The following CDK19 variants were observed in gnomAD, a reference collection of about 807,000 sequenced individuals.
CDK19 encodes cyclin dependent kinase 19, also known as cyclin-dependent kinase 19.
CDK19 carries 20 observed loss-of-function variants against 68.3 expected under a neutral mutation model. The ratio of observed to expected loss-of-function variants is 0.29; its 90% confidence interval spans 0.21 to 0.43. CDK19 has a LOEUF of 0.43. Ranked by LOEUF, CDK19 falls within the 20% of genes least tolerant of loss-of-function variation. The pLI is 1.00. For missense variants in CDK19, 339 were observed against 623.5 expected, an observed-to-expected ratio of 0.54 and a Z score of 4.86; for synonymous variants, 221 against 222.8, an observed-to-expected ratio of 0.99 and a Z score of 0.07.
intron 1 of CDK19, among the ~76,000 whole-genome samples, chr6:110,755,572 A>G (rs1219475487): frequency 2.6e-5 from 4 of 152,192 alleles, no homozygotes; most frequent in Non-Finnish European, 5.9e-5. Context: ...ACAGGGCCTT[A>G]TAGACACCAG....
chr6:110,693,258 T>C (rs1437589248), intron 2 of CDK19, among the ~76,000 whole-genome samples: 1 of 152,114 alleles, frequency 6.6e-6, no homozygotes, highest in Non-Finnish European at 1.5e-5. Context: ...GCCACTGCAG[T>C]TCCAAAAGTG....
intron 1 of CDK19, among the ~76,000 whole-genome samples, chr6:110,755,984 A>G (rs968677359): frequency 6.6e-6 from 1 of 152,150 alleles, no homozygotes; most frequent in Non-Finnish European, 1.5e-5. Context: ...TTATGGCCAG[A>G]TGCGGTGGCT....
intron 1 of CDK19, chr6:110,773,787 G>A (rs1203550991): frequency 6.6e-6 from 1 of 151,898 alleles, no homozygotes; most frequent in African/African-American, 2.4e-5. Flanking sequence ...AAATTACTTA[G>A]TGATTACACT....
chr6:110,783,408 C>A (rs1780959519), intron 1 of CDK19, among the ~76,000 whole-genome samples: 1 of 152,048 alleles, frequency 6.6e-6, no homozygotes, highest in Non-Finnish European at 1.5e-5. Flanking sequence ...GAAGCCAAGG[C>A]AGGCAGATCA....
intron 4 of CDK19, among the ~76,000 whole-genome samples, chr6:110,641,217 T>C (rs923884389): frequency 1.3e-5 from 2 of 151,978 alleles, no homozygotes; most frequent in African/African-American, 4.8e-5. Flanking sequence ...ACTTCAGGCC[T>C]TTAGGAAACA....
intron 1 of CDK19, among the ~76,000 whole-genome samples, chr6:110,802,168 A>G (rs1782386915): frequency 6.6e-6 from 1 of 152,220 alleles, no homozygotes; most frequent in Admixed American, 6.5e-5. Context: ...TGACCCAGCA[A>G]TCCCATTACT....
intron 1 of CDK19, among the ~76,000 whole-genome samples, chr6:110,793,578 T>C (rs1232308260): frequency 6.6e-6 from 1 of 152,236 alleles, no homozygotes; most frequent in East Asian, 1.9e-4. Context: ...CTGCTTAACA[T>C]TAACTCAAAG....
chr6:110,801,228 A>G (rs1304841993), intron 1 of CDK19, among the ~76,000 whole-genome samples: 2 of 152,134 alleles, frequency 1.3e-5, no homozygotes, highest in East Asian at 1.9e-4. Context: ...TCACACCTGT[A>G]ATCAGCAGCA....
chr6:110,737,447 A>C (rs76166480), intron 2 of CDK19, among the ~76,000 whole-genome samples: 2 of 152,200 alleles, frequency 1.3e-5, no homozygotes, highest in Non-Finnish European at 2.9e-5. Context: ...TAGGAAACAT[A>C]GTAGCTTGAA....
intron 2 of CDK19, among the ~76,000 whole-genome samples, chr6:110,738,668 A>C (rs1777431372): frequency 6.6e-6 from 1 of 152,202 alleles, no homozygotes; most frequent in African/African-American, 2.4e-5. Flanking sequence ...AATTAAAAAG[A>C]ATTAGAGCCT....
intron 12 of CDK19, among the ~76,000 whole-genome samples, chr6:110,619,545 C>A (rs1177162044): frequency 6.6e-6 from 1 of 151,472 alleles, no homozygotes; most frequent in Non-Finnish European, 1.5e-5. Flanking sequence ...CTAGGCCTGA[C>A]CTTGGGCTTT....
rs537777016 is a variant in CDK19, at chr6:110,728,557, C to A, written c.204+17569G>T. Among the ~76,000 whole-genome samples the A allele has an allele frequency of 3.3e-5, 5 of 150,038 alleles. No individual in the cohort carries two copies. In the South Asian group the frequency reaches 1.1e-3, roughly 33 times the overall value. On this transcript the variant is annotated intron_variant, in intron 2 of 12. Transcript: ENST00000368911. Reference sequence around the variant, plus strand: ...CTATCTTTACTCTCATCTATTGATACCATAGTCAGAGTGGTAAAAAAAAAA... The same window carrying A: ...CTATCTTTACTCTCATCTATTGATAACATAGTCAGAGTGGTAAAAAAAAAA...
intron 1 of CDK19, among the ~76,000 whole-genome samples, chr6:110,780,490 T>A (rs1780731125): frequency 6.6e-6 from 1 of 152,080 alleles, no homozygotes; most frequent in Admixed American, 6.6e-5. Flanking sequence ...ATTTATTTTT[T>A]TTTATTTAAA....
chr6:110,618,202 C>T (rs1195010178), intron 12 of CDK19, among the ~76,000 whole-genome samples: 8 of 152,088 alleles, frequency 5.3e-5, no homozygotes, highest in African/African-American at 1.9e-4. Flanking sequence ...GGCGCGATCT[C>T]GGCTCACTGC....
At position 110,638,208 on chromosome 6, in the gene CDK19, A is replaced by ATGTACTTGG. The variant is rs778619501; in HGVS notation, c.514+440_514+441insCCAAGTACA. ...GGTATGTTAGTACTTGGTGCAAGAC[A>ATGTACTTGG]TGCAGGCCAGGTGTGGTGAAGTAGG... On this transcript the variant is annotated intron_variant, in intron 5 of 12. Coordinates refer to ENST00000368911, the MANE Select transcript of CDK19 (RefSeq NM_015076.5). Among the ~76,000 whole-genome samples the ATGTACTTGG allele has an allele frequency of 2.8e-4, 43 of 152,360 alleles. 2 individuals are homozygous for ATGTACTTGG. The South Asian group carries it at 4.8e-3, about 17-fold the overall frequency.
At position 110,815,091 on chromosome 6, in the gene CDK19, C is replaced by T; in HGVS notation, c.46G>A (p.Val16Met). Residue 16 changes from valine (V) to methionine (M), a missense_variant, in exon 1 of 13, where the codon GTG becomes ATG. Val to Met is a conservative substitution (Grantham distance 21). This residue lies in a region of CDK19 where 120 missense variants were observed against 224.0 expected (regional missense o/e 0.54). Transcript: ENST00000368911. ...CCTTCGTACTCAAACAAATCCTCCA[C>T]CCGCTCCCGCTCCGCCGCCAGCTTC... ...KAKLAAERERVEDLFEYEGCK... is the reference protein window; with the variant it reads ...KAKLAAERERMEDLFEYEGCK... The T allele has an allele frequency of 1.2e-6, 2 of 1,603,144 alleles. No homozygotes were observed. The highest frequency in any genetic ancestry group is 8.5e-7 in the Non-Finnish European group (1 of 1,175,816).
At chr6:110,803,449 ATT>A (rs1336293565) in intron 1 of CDK19, among the ~76,000 whole-genome samples, 1 of 152,232 alleles carries the variant, frequency 6.6e-6, no homozygotes, top group Non-Finnish European at 1.5e-5. Context: ...TTGTTTCATA[ATT>A]TTAATAGCAT....
intron 2 of CDK19, among the ~76,000 whole-genome samples, chr6:110,677,734 T>C (rs1237488235): frequency 6.6e-6 from 1 of 152,144 alleles, no homozygotes; most frequent in African/African-American, 2.4e-5. Flanking sequence ...ACTCTCAGAT[T>C]TGGCCTCACT....
chr6:110,621,141 G>C lies in CDK19; in HGVS notation c.1340C>G (p.Ala447Gly). 6.2e-7 allele frequency: 1 copy of C among 1,614,078 alleles called. No individual in the cohort carries two copies. Among genetic ancestry groups the C allele is most frequent in the Non-Finnish European group, 8.5e-7 (1 of 1,179,976 alleles). ...NKKPRLGPSG[A>G]NSGGPVMPSD... ...GGGCATCACAGGTCCACCTGAGTTT[G>C]CGCCTGAAGGCCCTAGCCGTGGCTT... is the stretch of plus-strand genomic sequence containing the variant. The change falls in exon 12 of 13, where the codon GCA (alanine) becomes GGA (glycine). Residue 447 changes from alanine (A) to glycine (G), a missense_variant. By Grantham distance (60) the Ala-to-Gly change is moderately conservative. This residue lies in a region of CDK19 where 155 missense variants were observed against 222.7 expected (regional missense o/e 0.70). Coordinates refer to ENST00000368911, the MANE Select transcript of CDK19 (RefSeq NM_015076.5). This position sits in a 1 kb window ranked among gnomAD's most constrained non-coding sequence, Gnocchi z 5.4.
Sources: allele counts gnomAD v4.1 joint callset (sites outside exome capture counted in the v4.1 genomes callset), GRCh38; gene constraint gnomAD v4.1.1; regional missense constraint gnomAD v4.1.1; non-coding constraint Gnocchi (gnomAD v3.1); transcripts MANE v1.5; gene names NCBI Gene and HGNC (gene_info 2026-07-23, HGNC 2026-07-21).